The following ARFGEF1 variants were observed in gnomAD, a reference collection of about 807,000 sequenced individuals.
ARFGEF1 encodes the protein brefeldin A-inhibited guanine nucleotide-exchange protein 1.
A neutral mutation model predicts 231.0 loss-of-function variants in ARFGEF1; 42 were observed. The ratio of observed to expected loss-of-function variants is 0.18; its 90% CI spans 0.14 to 0.24. The LOEUF (loss-of-function observed/expected upper bound fraction) is 0.24, where lower values mean the gene tolerates loss of function less well. Among genes scored for constraint, ARFGEF1 ranks in the 10% least tolerant of loss-of-function variants. ARFGEF1 has a pLI of 1.00. For missense variants in ARFGEF1, 1,345 were observed against 2,192.0 expected, an observed-to-expected ratio of 0.61 and a Z score of 7.72; for synonymous variants, 710 against 732.3, an observed-to-expected ratio of 0.97 and a Z score of 0.49.
Position 67,277,451 on chromosome 8 carries a change from C to G in ARFGEF1, c.1034G>C (p.Gly345Ala), listed in dbSNP as rs1388396483. The change falls in exon 8 of 39, where the codon GGA becomes GCA. Residue 345 changes from glycine to alanine, a missense_variant. Coordinates refer to ENST00000262215, the MANE Select transcript of ARFGEF1 (RefSeq NM_006421.5). ...ACTTGCATTTATAGTAGTCCCTTCT[C>G]CCATATCTAAAATGATAAGAATAAA... ...EMVNIVVGDM[G>A]EGTTINASAD... 2 of 1,611,594 alleles carry G rather than the reference C, an allele frequency of 1.2e-6. No homozygotes were observed. Among genetic ancestry groups the G allele is most frequent in the Non-Finnish European group, 1.7e-6 (2 of 1,178,600 alleles).
intron 19 of ARFGEF1, 149 bp downstream of exon 19, chr8:67,251,150 T>C (rs984254314): frequency 9.1e-5 from 61 of 670,356 alleles, no homozygotes; most frequent in Non-Finnish European, 1.2e-4. Flanking sequence ...GTATCTACTA[T>C]GTCCTAAATA....
At chr8:67,220,474 T>G (rs1054038880) in intron 29 of ARFGEF1, among the ~76,000 whole-genome samples, 4 of 152,188 alleles carry the variant, frequency 2.6e-5, no homozygotes, top group Non-Finnish European at 5.9e-5. Flanking sequence ...TCATACACAG[T>G]AGGTTCTCAA....
intron 28 of ARFGEF1, among the ~76,000 whole-genome samples, 161 bp from the exon 29 acceptor site, chr8:67,225,194 T>C (rs1352395272): frequency 6.6e-6 from 1 of 152,228 alleles, no homozygotes; most frequent in African/African-American, 2.4e-5. Flanking sequence ...CCTACAATTT[T>C]AGTATATGTG....
intron 6 of ARFGEF1, among the ~76,000 whole-genome samples, chr8:67,288,442 A>G (rs1480662926): frequency 1.3e-5 from 2 of 150,332 alleles, no homozygotes; most frequent in Non-Finnish European, 2.9e-5. Flanking sequence ...AATATACTGA[A>G]TGTAAGTAGG....
At chr8:67,304,765 G>GCTGA (rs1378602632) in intron 1 of ARFGEF1, among the ~76,000 whole-genome samples, 1 of 152,238 alleles carries the variant, frequency 6.6e-6, no homozygotes, top group African/African-American at 2.4e-5. Context: ...GCTGCAGTGA[G>GCTGA]CTGAGATTGC....
chr8:67,306,699 A>T (rs1806762466), intron 1 of ARFGEF1, among the ~76,000 whole-genome samples: 1 of 152,242 alleles, frequency 6.6e-6, no homozygotes, highest in South Asian at 2.1e-4. Flanking sequence ...TTTACAAAGT[A>T]ACAGCAGCTA....
intron 17 of ARFGEF1, among the ~76,000 whole-genome samples, chr8:67,256,206 C>T (rs1476640444): frequency 2.0e-5 from 3 of 152,080 alleles, no homozygotes; most frequent in Non-Finnish European, 2.9e-5. Flanking sequence ...TCATCATGCT[C>T]GATAATAAAA....
chr8:67,201,675 G>A, intron 36 of ARFGEF1, 70 bp from the exon 37 acceptor site: 1 of 1,587,962 alleles, frequency 6.3e-7, no homozygotes, highest in Non-Finnish European at 8.6e-7. Flanking sequence ...CAGCCCGTAT[G>A]GAGGCACATT....
At chr8:67,296,720 A>C in intron 4 of ARFGEF1, 110 bp from the exon 5 acceptor site, 1 of 799,794 alleles carries the variant, frequency 1.3e-6, no homozygotes, top group East Asian at 2.7e-5. Context: ...GTGTGATCAT[A>C]GTTCACTGCA....
chr8:67,187,761 G>A (rs1835081788), intron 5 of ARFGEF1, among the ~76,000 whole-genome samples: 1 of 152,130 alleles, frequency 6.6e-6, no homozygotes, highest in Admixed American at 6.6e-5. Context: ...ACTGACAAAG[G>A]ACCAAAGGCA....
chr8:67,240,222 G>A lies in ARFGEF1; in HGVS notation c.2919C>T (p.Ala973=), dbSNP rs374420244. 1 of 1,613,126 alleles carries A rather than the reference G, an allele frequency of 6.2e-7. No homozygotes were observed. Among genetic ancestry groups the A allele is most frequent in the Non-Finnish European group, 8.5e-7 (1 of 1,179,682 alleles). Residue 973 remains alanine, a synonymous_variant, in exon 20 of 39, where the codon GCC becomes GCT. Transcript: ENST00000262215. ...GLQDCDDTEV[A]SLCLEGIRCA... is the part of the protein sequence containing the mutation. ...ATCTTATACCTTCCAGGCAAAGAGA[G>A]GCTACTTCAGTATCATCACAATCTT...
intron 5 of ARFGEF1, among the ~76,000 whole-genome samples, chr8:67,176,012 T>C (rs1831531309): frequency 6.6e-6 from 1 of 151,852 alleles, no homozygotes; most frequent in African/African-American, 2.4e-5. Context: ...TTATATTTTG[T>C]TGGAGAAGTG....
At chr8:67,174,050 CT>C (rs2129567999), downstream of ARFGEF1, 1 of 152,182 alleles carries the variant, frequency 6.6e-6, no homozygotes, top group South Asian at 2.1e-4. Flanking sequence ...AAGTAAAGCT[CT>C]TTGGGGTCCT....
Position 67,257,821 on chromosome 8 carries a change from A to T in ARFGEF1, c.2442-5T>A. 1 of 1,597,120 alleles carries T rather than the reference A, an allele frequency of 6.3e-7. No homozygotes were observed. The highest frequency in any genetic ancestry group is 2.2e-5 in the East Asian group (1 of 44,764). ...GCACTAGCAAAGAGAGTTTGTCTGG[A>T]AAAATAAATGTATCATGTTATAAAC... On this transcript the variant is annotated splice_region_variant and splice_polypyrimidine_tract_variant and intron_variant, in intron 16 of 38. Transcript: ENST00000262215.
intron 5 of ARFGEF1, among the ~76,000 whole-genome samples, chr8:67,179,104 G>T (rs959044498): frequency 1.3e-5 from 2 of 152,120 alleles, no homozygotes; most frequent in South Asian, 2.1e-4. Context: ...AGATTATCTG[G>T]TAAGAAGGTG....
chr8:67,188,543 T>C (rs1237893416), intron 5 of ARFGEF1, among the ~76,000 whole-genome samples: 1 of 152,144 alleles, frequency 6.6e-6, no homozygotes, highest in Non-Finnish European at 1.5e-5. Context: ...TGGCAACCCG[T>C]TTTGGGTCCC....
At chr8:67,314,123 G>T (rs1047355136) in intron 1 of ARFGEF1, among the ~76,000 whole-genome samples, 3 of 152,152 alleles carry the variant, frequency 2.0e-5, no homozygotes, top group Non-Finnish European at 2.9e-5. Context: ...CTTGCCCCCT[G>T]CAACAGCCCC....
intron 14 of ARFGEF1, among the ~76,000 whole-genome samples, chr8:67,262,031 G>T: frequency 6.6e-6 from 1 of 151,896 alleles, no homozygotes; most frequent in South Asian, 2.1e-4. Context: ...ACTTAAAAGA[G>T]ATACTACTTA....
intron 1 of ARFGEF1, among the ~76,000 whole-genome samples, chr8:67,340,417 C>T (rs1225998447): frequency 6.6e-6 from 1 of 152,196 alleles, no homozygotes; most frequent in East Asian, 1.9e-4. Flanking sequence ...TCCCATCCTG[C>T]TTAATGGCCA....
Sources: allele counts gnomAD v4.1 joint callset (sites outside exome capture counted in the v4.1 genomes callset), GRCh38; gene constraint gnomAD v4.1.1; transcripts MANE v1.5; gene names NCBI Gene and HGNC (gene_info 2026-07-23, HGNC 2026-07-21).